Variants in NLK observed in about 807,000 individuals in gnomAD.
The protein encoded by NLK is serine/threonine-protein kinase NLK.
In NLK, 11 loss-of-function variants were observed where a neutral mutation model predicts 59.0. The ratio of observed to expected loss-of-function variants is 0.19; its 90% CI spans 0.12 to 0.31. The LOEUF is 0.31. Ranked by LOEUF, NLK falls within the 10% of genes least tolerant of loss-of-function variation. The probability of loss-of-function intolerance (pLI) is 1.00; values close to 1 mark genes in which losing one functional copy is unlikely to be tolerated. For missense variants in NLK, 410 were observed against 661.1 expected (o/e 0.62, Z 4.16); for synonymous variants, 235 against 235.9 (o/e 1.00, Z 0.03).
chr17:28,081,387 G>A (rs549335460), intron 1 of NLK, among the ~76,000 whole-genome samples: 1 of 152,040 alleles, frequency 6.6e-6, no homozygotes, highest in East Asian at 1.9e-4. Context: ...TTTAGAGATA[G>A]GGTCTCACTG....
At chr17:28,124,725 G>GA (rs1223102225) in intron 2 of NLK, among the ~76,000 whole-genome samples, 1 of 151,968 alleles carries the variant, frequency 6.6e-6, no homozygotes, top group Non-Finnish European at 1.5e-5. Flanking sequence ...TATCCATGAC[G>GA]AAAAAATATT....
chr17:28,110,011 C>T (rs1026628250), intron 1 of NLK, among the ~76,000 whole-genome samples: 2 of 152,164 alleles, frequency 1.3e-5, no homozygotes, highest in Non-Finnish European at 2.9e-5. Context: ...GGAGAATTGT[C>T]ATCTTAACAC....
chr17:28,066,380 A>G (rs1313989850), intron 1 of NLK, among the ~76,000 whole-genome samples: 1 of 152,242 alleles, frequency 6.6e-6, no homozygotes. Flanking sequence ...TGACAAATAC[A>G]TGACCTGTTA....
At chr17:28,048,397 T>C (rs544916227) in intron 1 of NLK, 2 of 153,742 alleles carry the variant, frequency 1.3e-5, no homozygotes, top group African/African-American at 4.8e-5. Flanking sequence ...AGACAGTTTT[T>C]TTTTTTAAGG....
intron 1 of NLK, among the ~76,000 whole-genome samples, chr17:28,067,459 A>G (rs183141375): frequency 6.0e-4 from 91 of 152,196 alleles, no homozygotes; most frequent in Admixed American, 1.6e-3. Context: ...AGAACTCTCT[A>G]ACAGTCTCTA....
At chr17:28,125,809 A>G (rs1906267869) in intron 2 of NLK, among the ~76,000 whole-genome samples, 1 of 152,214 alleles carries the variant, frequency 6.6e-6, no homozygotes, top group Admixed American at 6.5e-5. Flanking sequence ...GGCTTAAAAC[A>G]CTTTCTTTTT....
At chr17:28,117,304 C>T (rs1739530797) in intron 1 of NLK, among the ~76,000 whole-genome samples, 1 of 152,198 alleles carries the variant, frequency 6.6e-6, no homozygotes. Context: ...TGCATTTTAA[C>T]TTATCCAGTA....
intron 8 of NLK, among the ~76,000 whole-genome samples, chr17:28,187,084 G>A (rs1460853406): frequency 6.6e-6 from 1 of 152,194 alleles, no homozygotes; most frequent in Non-Finnish European, 1.5e-5. Flanking sequence ...CTAGAGCTGT[G>A]TGAAATTCAG....
rs139298270 is a variant in NLK, at chr17:28,125,963, G to A, written c.588+3231G>A. On this transcript the variant is annotated intron_variant, in intron 2 of 10. Transcript: ENST00000407008. ...GGAGGAACCAACGACTTGGAGTTACGTAACTTGCCCAAGGTTAAGGTGGCA... is the reference window on the plus strand; with the variant it reads ...GGAGGAACCAACGACTTGGAGTTACATAACTTGCCCAAGGTTAAGGTGGCA... 7.8e-4 allele frequency among the ~76,000 whole-genome samples: 119 copies of A among 152,266 alleles called. 1 individual carries two copies. The East Asian group carries it at 0.018, about 23-fold the overall frequency.
intron 1 of NLK, among the ~76,000 whole-genome samples, chr17:28,075,440 G>C (rs1567706995): frequency 6.6e-6 from 1 of 152,158 alleles, no homozygotes; most frequent in African/African-American, 2.4e-5. Context: ...CAAATTATTT[G>C]TTAGGCAAGA....
At chr17:28,051,363 A>ATT (rs769693760) in intron 1 of NLK, among the ~76,000 whole-genome samples, 5 of 141,790 alleles carry the variant, frequency 3.5e-5, no homozygotes, top group African/African-American at 1.3e-4. Flanking sequence ...CTTGGGAAGG[A>ATT]TTTTTTTTTT....
intron 10 of NLK, 111 bp downstream of exon 10, chr17:28,192,324 A>G: frequency 1.5e-6 from 1 of 651,822 alleles, no homozygotes; most frequent in Non-Finnish European, 2.6e-6. Flanking sequence ...AAAAGGTGCA[A>G]CAGAAAGTTT....
chr17:28,075,917 C>T (rs1448174934), intron 1 of NLK, among the ~76,000 whole-genome samples: 4 of 152,252 alleles, frequency 2.6e-5, no homozygotes, highest in South Asian at 2.1e-4. Context: ...AAGCTAAAAA[C>T]GTCAACAGAT....
intron 6 of NLK, among the ~76,000 whole-genome samples, chr17:28,169,904 T>C (rs148296656): frequency 3.0e-4 from 46 of 152,216 alleles, no homozygotes; most frequent in African/African-American, 1.1e-3. Context: ...TTCTTAACCT[T>C]TGTGAAACTT....
At chr17:28,157,040 A>G (rs1259256172) in intron 3 of NLK, among the ~76,000 whole-genome samples, 3 of 152,098 alleles carry the variant, frequency 2.0e-5, no homozygotes, top group Non-Finnish European at 4.4e-5. Context: ...TTTTTGAGAC[A>G]GGGTCTCACT....
intron 1 of NLK, among the ~76,000 whole-genome samples, chr17:28,085,201 C>G (rs1344191397): frequency 1.3e-5 from 2 of 152,106 alleles, no homozygotes; most frequent in Non-Finnish European, 2.9e-5. Context: ...TGCCTTTTGT[C>G]TCCCCACCCC....
intron 1 of NLK, among the ~76,000 whole-genome samples, chr17:28,075,063 A>G (rs1177954793): frequency 6.6e-6 from 1 of 152,228 alleles, no homozygotes; most frequent in Non-Finnish European, 1.5e-5. Context: ...CACATTTACC[A>G]TTAGTGGCAT....
chr17:28,061,817 A>T (rs1042437100), intron 1 of NLK: 3 of 146,338 alleles, frequency 2.1e-5, no homozygotes, highest in Non-Finnish European at 3.0e-5. Context: ...ATACATATAT[A>T]ATATATACAT....
At chr17:28,159,509 A>G (rs1490370203) in intron 3 of NLK, among the ~76,000 whole-genome samples, 2 of 152,170 alleles carry the variant, frequency 1.3e-5, no homozygotes, top group Admixed American at 6.5e-5. Flanking sequence ...ACTATTAAAA[A>G]CTATAACCCT....
Sources: allele counts gnomAD v4.1 joint callset (sites outside exome capture counted in the v4.1 genomes callset), GRCh38; gene constraint gnomAD v4.1.1; transcripts MANE v1.5; gene names NCBI Gene and HGNC (gene_info 2026-07-23, HGNC 2026-07-21).